CFAP299: variants seen among roughly 807,000 people sequenced by gnomAD.
CFAP299 encodes cilia and flagella associated protein 299.
A neutral mutation model predicts 27.0 loss-of-function variants in CFAP299; 21 were observed. That is an observed-to-expected ratio of 0.78 (90% CI 0.55 to 1.12). CFAP299 has a LOEUF of 1.12. Ranked by LOEUF, CFAP299 falls within the 50% of genes most tolerant of loss-of-function variation. The probability of loss-of-function intolerance (pLI) is 0.00; values close to 1 mark genes in which losing one functional copy is unlikely to be tolerated. For missense variants in CFAP299, 310 were observed against 276.6 expected (o/e 1.12, Z -0.86); for synonymous variants, 104 against 98.1 (o/e 1.06, Z -0.36).
At chr4:80,813,904 T>C (rs1459300333) in intron 3 of CFAP299, among the ~76,000 whole-genome samples, 1 of 152,058 alleles carries the variant, frequency 6.6e-6, no homozygotes, top group Non-Finnish European at 1.5e-5. Context: ...TACATTATCG[T>C]GAAATTTGTT....
upstream of CFAP299, among the ~76,000 whole-genome samples, chr4:80,332,139 T>A (rs1015133910): frequency 1.3e-5 from 2 of 152,144 alleles, no homozygotes; most frequent in Non-Finnish European, 2.9e-5. Flanking sequence ...AGAAAAAATG[T>A]CTATTGGGCC....
chr4:80,371,954 A>G (rs1404784126), intron 2 of CFAP299, among the ~76,000 whole-genome samples: 1 of 152,194 alleles, frequency 6.6e-6, no homozygotes, highest in Non-Finnish European at 1.5e-5. Flanking sequence ...CTTTATAGCA[A>G]TACCCAACAC....
At chr4:80,527,891 G>C (rs569146022) in intron 2 of CFAP299, among the ~76,000 whole-genome samples, 3 of 152,192 alleles carry the variant, frequency 2.0e-5, no homozygotes, top group South Asian at 4.2e-4. Flanking sequence ...TTGATGAAGG[G>C]AATGACTGAT....
At chr4:80,552,594 G>A (rs1734578742) in intron 2 of CFAP299, among the ~76,000 whole-genome samples, 1 of 152,128 alleles carries the variant, frequency 6.6e-6, no homozygotes, top group Admixed American at 6.6e-5. Context: ...AGAGGAAAAT[G>A]ATTATGGAAA....
At chr4:80,579,433 A>G (rs935579791) in intron 2 of CFAP299, among the ~76,000 whole-genome samples, 3 of 152,112 alleles carry the variant, frequency 2.0e-5, no homozygotes, top group Non-Finnish European at 2.9e-5. Context: ...TTGTTACGGA[A>G]GAAGGGGGAA....
At chr4:80,712,587 AT>A (rs1277498605) in intron 3 of CFAP299, among the ~76,000 whole-genome samples, 1 of 152,212 alleles carries the variant, frequency 6.6e-6, no homozygotes, top group Non-Finnish European at 1.5e-5. Context: ...AAAATTAAGA[AT>A]TTTTAATTAT....
chr4:80,580,255 G>C (rs1736096248), intron 2 of CFAP299, among the ~76,000 whole-genome samples: 1 of 152,150 alleles, frequency 6.6e-6, no homozygotes, highest in Non-Finnish European at 1.5e-5. Flanking sequence ...AAATGACATT[G>C]ACAAAGCTTG....
chr4:80,474,321 C>G (rs1730166263), intron 2 of CFAP299, among the ~76,000 whole-genome samples: 1 of 151,908 alleles, frequency 6.6e-6, no homozygotes, highest in Non-Finnish European at 1.5e-5. Context: ...GCTTTTCTGC[C>G]TGAAATTTTT....
At chr4:80,417,452 T>C (rs1727072117) in intron 2 of CFAP299, among the ~76,000 whole-genome samples, 3 of 152,144 alleles carry the variant, frequency 2.0e-5, no homozygotes, top group Admixed American at 1.3e-4. Context: ...GGAGTTGCCC[T>C]GATTCAAACA....
intron 3 of CFAP299, among the ~76,000 whole-genome samples, chr4:80,830,910 G>C (rs1730264966): frequency 6.6e-6 from 1 of 152,128 alleles, no homozygotes; most frequent in Non-Finnish European, 1.5e-5. Flanking sequence ...TCAAGGTCCA[G>C]AGATTTCATT....
intron 1 of CFAP299, among the ~76,000 whole-genome samples, chr4:80,357,801 C>A (rs927353199): frequency 2.9e-4 from 44 of 151,820 alleles, no homozygotes; most frequent in Non-Finnish European, 4.4e-4. Flanking sequence ...ATTTGTTGAT[C>A]TTTTGAATTT....
At chr4:80,375,256 C>T (rs904082594) in intron 2 of CFAP299, among the ~76,000 whole-genome samples, 3 of 152,176 alleles carry the variant, frequency 2.0e-5, no homozygotes. Flanking sequence ...TTAACTTTTG[C>T]ATTATTAACC....
chr4:80,865,569 T>C (rs1732672212), intron 3 of CFAP299, among the ~76,000 whole-genome samples: 1 of 152,220 alleles, frequency 6.6e-6, no homozygotes, highest in Non-Finnish European at 1.5e-5. Flanking sequence ...TACTACATAC[T>C]AATAATTCCA....
At chr4:80,671,474 C>T (rs541566226) in intron 3 of CFAP299, among the ~76,000 whole-genome samples, 181 of 152,196 alleles carry the variant, frequency 1.2e-3, no homozygotes, top group African/African-American at 4.1e-3. Context: ...CTTGGCAATG[C>T]GGGCTCTTTT....
intron 3 of CFAP299, among the ~76,000 whole-genome samples, chr4:80,831,475 C>A (rs1730299539): frequency 6.6e-6 from 1 of 152,052 alleles, no homozygotes; most frequent in South Asian, 2.1e-4. Flanking sequence ...ATCCTATGAG[C>A]AACCATTATA....
chr4:80,790,640 T>G (rs1484755497), intron 3 of CFAP299: 1 of 152,046 alleles, frequency 6.6e-6, no homozygotes, highest in Non-Finnish European at 1.5e-5. Flanking sequence ...GGGCCATCAC[T>G]GGGTTCCTAC....
chr4:80,657,742 G>A (rs989974912), intron 3 of CFAP299, among the ~76,000 whole-genome samples: 1 of 152,064 alleles, frequency 6.6e-6, no homozygotes, highest in Non-Finnish European at 1.5e-5. Flanking sequence ...AAAATTTATA[G>A]TAGTTTTTTC....
At chr4:80,538,028 A>G (rs1733827804) in intron 2 of CFAP299, among the ~76,000 whole-genome samples, 1 of 152,178 alleles carries the variant, frequency 6.6e-6, no homozygotes, top group African/African-American at 2.4e-5. Flanking sequence ...CTTTCAGCCA[A>G]TGATGGACTG....
intron 3 of CFAP299, among the ~76,000 whole-genome samples, chr4:80,655,246 G>A (rs1740496176): frequency 1.3e-5 from 2 of 152,034 alleles, no homozygotes; most frequent in African/African-American, 4.8e-5. Flanking sequence ...ACTATTTCCA[G>A]TAATCTAATT....
Sources: allele counts gnomAD v4.1 joint callset (sites outside exome capture counted in the v4.1 genomes callset), GRCh38; gene constraint gnomAD v4.1.1; transcripts MANE v1.5; gene names NCBI Gene and HGNC (gene_info 2026-07-23, HGNC 2026-07-21).